The following RABL6 variants were observed in gnomAD, a reference collection of about 807,000 sequenced individuals.
The protein encoded by RABL6 is rab-like protein 6.
Under a neutral mutation model 72.9 loss-of-function variants are expected in RABL6, and 28 were observed. The ratio of observed to expected loss-of-function variants is 0.38; its 90% CI spans 0.28 to 0.53. The LOEUF (loss-of-function observed/expected upper bound fraction) is 0.53, where lower values mean the gene tolerates loss of function less well. Ranked by LOEUF, RABL6 falls within the 20% of genes least tolerant of loss-of-function variation. The probability of loss-of-function intolerance (pLI) is 0.80; values close to 1 mark genes in which losing one functional copy is unlikely to be tolerated. For missense variants in RABL6, 1,029 were observed against 1,008.4 expected (o/e 1.02, Z -0.28); for synonymous variants, 477 against 421.2 (o/e 1.13, Z -1.62).
chr9:136,820,765 G>GA (rs371447317), intron 1 of RABL6, among the ~76,000 whole-genome samples: 3 of 152,122 alleles, frequency 2.0e-5, no homozygotes, highest in African/African-American at 7.2e-5. Flanking sequence ...TAAATGATAT[G>GA]AAAAAAATAA....
chr9:136,817,977 G>A (rs999429318), intron 1 of RABL6, among the ~76,000 whole-genome samples: 7 of 149,586 alleles, frequency 4.7e-5, no homozygotes, highest in South Asian at 2.1e-4. Context: ...CACAAGAATC[G>A]TGTGAACCCG....
intron 7 of RABL6, chr9:136,832,913 G>A (rs1020817500): frequency 9.2e-6 from 3 of 326,014 alleles, no homozygotes; most frequent in African/African-American, 4.3e-5. Context: ...TGGCTGCAAA[G>A]TAGCCCAGCA....
chr9:136,834,113 G>A, intron 7 of RABL6: 1 of 1,322,362 alleles, frequency 7.6e-7, no homozygotes, highest in South Asian at 2.6e-5. Flanking sequence ...TGTCTCAGCA[G>A]CGGGACCCCT....
At chr9:136,821,233 T>G in intron 1 of RABL6, 1 of 791,398 alleles carries the variant, frequency 1.3e-6, no homozygotes, top group Non-Finnish European at 1.5e-6. Context: ...GGAGCCGAGA[T>G]GCGGGGACCA....
chr9:136,824,388 T>G (rs1204844421), intron 2 of RABL6, among the ~76,000 whole-genome samples: 1 of 137,446 alleles, frequency 7.3e-6, no homozygotes, highest in Admixed American at 8.0e-5. Context: ...TGGAATGCAG[T>G]GGTGAGATCT....
At chr9:136,834,403 T>C in intron 7 of RABL6, 14 of 987,692 alleles carry the variant, frequency 1.4e-5, no homozygotes, top group Non-Finnish European at 1.7e-5. Context: ...ACATTACATT[T>C]GGTTGACAAG....
At chr9:136,824,739 G>A (rs1416544907) in intron 2 of RABL6, among the ~76,000 whole-genome samples, 2 of 152,156 alleles carry the variant, frequency 1.3e-5, no homozygotes, top group African/African-American at 2.4e-5. Flanking sequence ...GCTGACACTT[G>A]GACTGCTGTG....
Position 136,837,576 on chromosome 9 carries a change from G to T in RABL6, c.1040G>T (p.Cys347Phe), listed in dbSNP as rs1247626871. The change falls in exon 9 of 15, where the codon TGC (cysteine) becomes TTC (phenylalanine). Residue 347 changes from cysteine (C) to phenylalanine (F), a missense_variant. By Grantham distance (205) the Cys-to-Phe change is radical. Coordinates refer to ENST00000311502, the MANE Select transcript of RABL6 (RefSeq NM_024718.5). ...TCAGAGGCCCTGCCCCCACCTGCGTGCCCCTCAGCCCCCGCCCCACGGCGC... is the reference window on the plus strand; with the variant it reads ...TCAGAGGCCCTGCCCCCACCTGCGTTCCCCTCAGCCCCCGCCCCACGGCGC... Reference protein sequence around the residue: ...PPSEALPPPACPSAPAPRRSI... With the variant: ...PPSEALPPPAFPSAPAPRRSI... 15 of 1,581,254 alleles carry T rather than the reference G, an allele frequency of 9.5e-6. No individual in the cohort carries two copies. The African/African-American group carries it at 2.0e-4, about 21-fold the overall frequency.
At chr9:136,817,866 AGCCTGGCCAACATGGTGAAAC>A (rs527610300) in intron 1 of RABL6, among the ~76,000 whole-genome samples, 246 of 152,154 alleles carry the variant, frequency 1.6e-3, no homozygotes, top group African/African-American at 5.8e-3. Flanking sequence ...GTTTGAGTCC[AGCCTGGCCAACATGGTGAAAC>A]GCTGTCTCTA....
intron 6 of RABL6, 81 bp from the exon 7 acceptor site, chr9:136,832,184 C>A: frequency 7.5e-7 from 1 of 1,333,186 alleles, no homozygotes; most frequent in Non-Finnish European, 1.1e-6. Context: ...CAGTGCGGAC[C>A]CACAGCTGTG....
intron 1 of RABL6, chr9:136,821,797 CG>C (rs1274173785): frequency 1.7e-6 from 2 of 1,174,712 alleles, no homozygotes; most frequent in African/African-American, 3.4e-5. Flanking sequence ...AAGTTCTCCG[CG>C]GGAGAGGGAG....
chr9:136,829,442 A>G lies in RABL6; in HGVS notation c.416A>G (p.Asn139Ser). 1 of 1,588,702 alleles carries G rather than the reference A, an allele frequency of 6.3e-7. No homozygotes were observed. The highest frequency in any genetic ancestry group is 8.6e-7 in the Non-Finnish European group (1 of 1,167,886). The change falls in exon 5 of 15, where the codon AAC (asparagine) becomes AGC (serine). Residue 139 changes from asparagine (N) to serine (S), a missense_variant. This residue lies in a region of RABL6 where 434 missense variants were observed against 536.1 expected (regional missense o/e 0.81). Transcript: ENST00000311502. ...LDAEFLDVYK[N>S]CNGVVMMFDI... is the part of the protein sequence containing the mutation. Reference sequence around the variant, plus strand: ...GCTGAGTTCCTGGACGTGTACAAGAACTGCAACGGGGTGGTCATGATGTTC... The same window carrying G: ...GCTGAGTTCCTGGACGTGTACAAGAGCTGCAACGGGGTGGTCATGATGTTC...
Position 136,839,380 on chromosome 9 carries a change from C to T in RABL6, c.1652C>T (p.Ser551Phe), listed in dbSNP as rs370482677. The change falls in exon 12 of 15, where the codon TCC (serine) becomes TTC (phenylalanine). Residue 551 changes from serine (S) to phenylalanine (F), a missense_variant. By Grantham distance (155) the Ser-to-Phe change is radical (BLOSUM62 -2). This residue lies in a region of RABL6 where 595 missense variants were observed against 472.4 expected (regional missense o/e 1.26). Transcript: ENST00000311502. Reference protein sequence around the residue: ...EMEPGKGEQASSSESDPEGPI... With the variant: ...EMEPGKGEQAFSSESDPEGPI... ...GAGCCGGGGAAGGGTGAGCAGGCCT[C>T]CTCGTCGGAGAGTGACCCCGAGGGA... is the stretch of plus-strand genomic sequence containing the variant. The T allele has an allele frequency of 6.2e-6, 10 of 1,612,626 alleles. No individual in the cohort carries two copies. Among genetic ancestry groups the T allele is most frequent in the Non-Finnish European group, 8.5e-6 (10 of 1,179,756 alleles).
At chr9:136,833,641 C>T (rs1848527611) in intron 7 of RABL6, 1 of 1,533,902 alleles carries the variant, frequency 6.5e-7, no homozygotes. Flanking sequence ...ACCTGAACCT[C>T]CTCGCCCTGG....
intron 2 of RABL6, among the ~76,000 whole-genome samples, chr9:136,825,294 A>G (rs1030973730): frequency 6.6e-6 from 1 of 152,248 alleles, no homozygotes; most frequent in African/African-American, 2.4e-5. Flanking sequence ...AGGCGGGCCC[A>G]TTCATTCGCA....
chr9:136,837,702 C>T (rs757306392), intron 9 of RABL6, 40 bp downstream of exon 9: 1 of 1,551,194 alleles, frequency 6.4e-7, no homozygotes, highest in Non-Finnish European at 8.7e-7. Flanking sequence ...GGTCCCAGAC[C>T]CCCAGGCCCT....
At chr9:136,831,019 G>T (rs1848462133) in intron 5 of RABL6, 1 of 154,764 alleles carries the variant, frequency 6.5e-6, no homozygotes, top group Non-Finnish European at 1.5e-5. Context: ...CTTGGTGAGG[G>T]GCCCGTTTAA....
In RABL6 at chr9:136,829,465, T is replaced by C; in HGVS notation, c.439T>C (p.Phe147Leu). 1 of 1,585,228 alleles carries C rather than the reference T, an allele frequency of 6.3e-7. No homozygotes were observed. Among genetic ancestry groups the C allele is most frequent in the Non-Finnish European group, 8.6e-7 (1 of 1,166,198 alleles). Reference protein sequence around the residue: ...YKNCNGVVMMFDITKQWTFNY... With the variant: ...YKNCNGVVMMLDITKQWTFNY... Reference sequence around the variant, plus strand: ...GAACTGCAACGGGGTGGTCATGATGTTCGACATTACCAAGCAGTGGTAAGA... The same window carrying C: ...GAACTGCAACGGGGTGGTCATGATGCTCGACATTACCAAGCAGTGGTAAGA... Residue 147 changes from phenylalanine to leucine, a missense_variant, in exon 5 of 15, where the codon TTC becomes CTC. Around this residue, in one of 2 missense-constraint regions of RABL6, gnomAD observed 434 missense variants for 536.1 expected, o/e 0.81. Transcript: ENST00000311502.
chr9:136,829,940 G>C (rs1254545823), intron 5 of RABL6, among the ~76,000 whole-genome samples: 1 of 152,244 alleles, frequency 6.6e-6, no homozygotes, highest in Non-Finnish European at 1.5e-5. Context: ...CCAGGCGCAA[G>C]CCCCCAGAGT....
Sources: gnomAD v4.1 joint callset for allele counts (sites outside exome capture counted in the v4.1 genomes callset) on GRCh38, gnomAD v4.1.1 for gene constraint, gnomAD v4.1.1 regional missense constraint, MANE v1.5 for transcripts, NCBI Gene and HGNC (gene_info 2026-07-23, HGNC 2026-07-21) for gene names.